DNAH11: variants seen among roughly 807,000 people sequenced by gnomAD.
The protein encoded by DNAH11 is dynein axonemal heavy chain 11.
In DNAH11, 442 loss-of-function variants were observed where a neutral mutation model predicts 526.0. The ratio of observed to expected loss-of-function variants is 0.84; its 90% CI spans 0.78 to 0.91. The LOEUF (loss-of-function observed/expected upper bound fraction) is 0.91, where lower values mean the gene tolerates loss of function less well. DNAH11 is among the 40% of genes least tolerant of loss of function. The pLI is 0.00. For synonymous variants in DNAH11, 2,461 were observed against 1,935.9 expected (o/e 1.27, Z -7.12); for missense variants, 6,989 against 5,448.7 (o/e 1.28, Z -8.90).
chr7:21,773,323 T>C (rs1440442024), intron 55 of DNAH11, among the ~76,000 whole-genome samples: 2 of 151,336 alleles, frequency 1.3e-5, no homozygotes, highest in Non-Finnish European at 2.9e-5. Context: ...CATAAAACTG[T>C]GAGTTTCTAA....
At chr7:21,900,862 C>A (rs56268505) in intron 81 of DNAH11, 145 bp from the exon 82 acceptor site, 1 of 1,353,392 alleles carries the variant, frequency 7.4e-7, no homozygotes, top group Non-Finnish European at 9.9e-7. Flanking sequence ...AAGCTCAGTC[C>A]GGCCAGCTCA....
At chr7:21,569,488 C>T (rs1343339917) in intron 6 of DNAH11, among the ~76,000 whole-genome samples, 1 of 152,118 alleles carries the variant, frequency 6.6e-6, no homozygotes, top group Non-Finnish European at 1.5e-5. Flanking sequence ...TATCCTTCTC[C>T]TCTCTTCCTT....
chr7:21,896,019 G>A (rs796983163), intron 79 of DNAH11, among the ~76,000 whole-genome samples: 36 of 152,256 alleles, frequency 2.4e-4, no homozygotes, highest in African/African-American at 4.8e-4. Flanking sequence ...ATGAGCCACC[G>A]CGCCTGGCCC....
intron 43 of DNAH11, among the ~76,000 whole-genome samples, chr7:21,718,600 A>G (rs1367281738): frequency 1.3e-5 from 2 of 152,202 alleles, no homozygotes; most frequent in African/African-American, 4.8e-5. Flanking sequence ...TTGTCATGGA[A>G]GCCAATGAAA....
At chr7:21,634,803 C>A (rs188785569) in intron 25 of DNAH11, among the ~76,000 whole-genome samples, 1 of 151,946 alleles carries the variant, frequency 6.6e-6, no homozygotes, top group Non-Finnish European at 1.5e-5. Flanking sequence ...TATGTACCCC[C>A]CCGAACCCAA....
At chr7:21,783,657 C>G (rs1788050277) in intron 57 of DNAH11, among the ~76,000 whole-genome samples, 1 of 149,288 alleles carries the variant, frequency 6.7e-6, no homozygotes, top group African/African-American at 2.5e-5. Flanking sequence ...CCCGCCCTGT[C>G]TTCTCATTTT....
In DNAH11 at chr7:21,667,043, TA is replaced by T. The variant is rs144850286; in HGVS notation, c.5328+8014del. ...TAAAAAGAGGAAGCTATTGCAATGGTAAGCCAATTTTCACCCAGCAAAATTT... is the reference window on the plus strand; with the variant it reads ...TAAAAAGAGGAAGCTATTGCAATGGTAGCCAATTTTCACCCAGCAAAATTT... On this transcript the variant is annotated intron_variant, in intron 30 of 81. Transcript: ENST00000409508. Among the ~76,000 whole-genome samples, 1,160 of 152,252 alleles carry T rather than the reference TA, an allele frequency of 7.6e-3. 6 individuals carry two copies. Among genetic ancestry groups the T allele is most frequent in the Middle Eastern group, 0.017 (5 of 294 alleles).
chr7:21,760,370 G>C (rs1259744493), intron 54 of DNAH11, among the ~76,000 whole-genome samples: 1 of 152,084 alleles, frequency 6.6e-6, no homozygotes, highest in Admixed American at 6.5e-5. Context: ...GTTCTTTTGG[G>C]GACCCGACTT....
chr7:21,547,937 A>G (rs1374721804), intron 2 of DNAH11, among the ~76,000 whole-genome samples: 3 of 152,170 alleles, frequency 2.0e-5, no homozygotes, highest in Non-Finnish European at 4.4e-5. Context: ...CTAGTAAGTT[A>G]TGCACATTTG....
chr7:21,616,335 G>A, intron 22 of DNAH11, 43 bp downstream of exon 22: 1 of 1,478,176 alleles, frequency 6.8e-7, no homozygotes, highest in South Asian at 1.2e-5. Context: ...ATCTTTCTCA[G>A]CACCACCTCC....
intron 54 of DNAH11, among the ~76,000 whole-genome samples, chr7:21,753,719 T>C (rs1786509301): frequency 6.6e-6 from 1 of 152,222 alleles, no homozygotes; most frequent in Non-Finnish European, 1.5e-5. Flanking sequence ...CACTATAAAT[T>C]AGTAAAGCTT....
At chr7:21,817,189 C>A (rs1424474032) in intron 64 of DNAH11, among the ~76,000 whole-genome samples, 2 of 152,042 alleles carry the variant, frequency 1.3e-5, no homozygotes, top group East Asian at 1.9e-4. Context: ...ACTTTTGAGA[C>A]CTGAATCTAC....
At chr7:21,612,632 C>G (rs17144781) in intron 20 of DNAH11, among the ~76,000 whole-genome samples, 1 of 149,596 alleles carries the variant, frequency 6.7e-6, no homozygotes, top group Non-Finnish European at 1.5e-5. Flanking sequence ...TTTCAAGAAA[C>G]GGATCTCATT....
chr7:21,772,492 T>C (rs980636061), intron 55 of DNAH11, among the ~76,000 whole-genome samples: 2 of 152,158 alleles, frequency 1.3e-5, no homozygotes, highest in Admixed American at 6.6e-5. Context: ...CACATGTCTG[T>C]ATTGAAGTCA....
chr7:21,829,224 GT>G, intron 65 of DNAH11, among the ~76,000 whole-genome samples: 1 of 151,910 alleles, frequency 6.6e-6, no homozygotes, highest in Non-Finnish European at 1.5e-5. Flanking sequence ...TCCTAAATGT[GT>G]TTCCCCCCAC....
chr7:21,646,238 G>C (rs550021586), intron 28 of DNAH11, among the ~76,000 whole-genome samples: 1 of 152,310 alleles, frequency 6.6e-6, no homozygotes, highest in Admixed American at 6.5e-5. Flanking sequence ...GAGATAACAG[G>C]ATGGCCAAGA....
rs540043499 is a variant in DNAH11, at chr7:21,610,592, A to G, written c.3852+3859A>G. ...TGCATGCAAAGTTTCAGATATTAGA[A>G]GGAAATAAAAGATAATATTGAAAAA... On this transcript the variant is annotated intron_variant, in intron 20 of 81. Transcript: ENST00000409508. 2.0e-5 allele frequency among the ~76,000 whole-genome samples: 3 copies of G among 152,348 alleles called. No homozygotes were observed. In the East Asian group the frequency reaches 5.8e-4, roughly 29 times the overall value.
chr7:21,773,489 G>T (rs924824917), intron 55 of DNAH11, among the ~76,000 whole-genome samples: 1 of 151,986 alleles, frequency 6.6e-6, no homozygotes, highest in African/African-American at 2.4e-5. Flanking sequence ...AAATCAAGTT[G>T]TGAAGATCTG....
chr7:21,678,212 C>A (rs1782983564), intron 30 of DNAH11, among the ~76,000 whole-genome samples: 1 of 150,412 alleles, frequency 6.6e-6, no homozygotes, highest in African/African-American at 2.4e-5. Flanking sequence ...CAGGTCTTAT[C>A]TTTAAGTCTT....
Sources: gnomAD v4.1 joint callset for allele counts (sites outside exome capture counted in the v4.1 genomes callset) on GRCh38, gnomAD v4.1.1 for gene constraint, MANE v1.5 for transcripts, NCBI Gene and HGNC (gene_info 2026-07-23, HGNC 2026-07-21) for gene names.